The following ANXA1 variants were observed in gnomAD, a reference collection of about 807,000 sequenced individuals.
ANXA1 encodes the protein annexin A1.
ANXA1 carries 39 observed loss-of-function variants against 47.9 expected under a neutral mutation model. The observed-to-expected ratio is 0.81, with a 90% CI of 0.63 to 1.06. ANXA1 has a LOEUF of 1.06. ANXA1 is among the 50% of genes least tolerant of loss of function. The pLI, the probability that ANXA1 is intolerant of heterozygous loss-of-function variation, is 0.00. For synonymous variants in ANXA1, 146 were observed against 142.5 expected (o/e 1.02, Z -0.17); for missense variants, 446 against 422.7 (o/e 1.06, Z -0.48).
At chr9:73,161,119 G>C (rs956019947) in intron 6 of ANXA1, among the ~76,000 whole-genome samples, 1 of 152,054 alleles carries the variant, frequency 6.6e-6, no homozygotes, top group Non-Finnish European at 1.5e-5. Context: ...TCAAGCTTGC[G>C]TTTTAATAGA....
chr9:73,154,361 A>T (rs1227526452), intron 1 of ANXA1: 41 of 1,365,430 alleles, frequency 3.0e-5, no homozygotes, highest in Non-Finnish European at 3.9e-5. Flanking sequence ...TTAAAAGAAC[A>T]CTGATCATGT....
In ANXA1 at chr9:73,159,313, G is replaced by A; in HGVS notation, c.176-16G>A. The A allele has an allele frequency of 6.2e-7, 1 of 1,605,474 alleles. No homozygotes were observed. Among genetic ancestry groups the A allele is most frequent in the Admixed American group, 1.7e-5 (1 of 59,892 alleles). On this transcript the variant is annotated splice_polypyrimidine_tract_variant and intron_variant, in intron 3 of 12. Coordinates refer to ENST00000257497, the MANE Select transcript of ANXA1 (RefSeq NM_000700.3). ...AAGAAAATTGGTGTTAAAGGCTGTT[G>A]GCCCTTTATTTCCAGGTGTGGATGA...
intron 4 of ANXA1, 135 bp downstream of exon 4, chr9:73,159,558 T>C: frequency 1.6e-6 from 1 of 614,812 alleles, no homozygotes; most frequent in East Asian, 3.1e-5. Context: ...GGGATTGCAG[T>C]GTTTATCCAC....
rs1824297026 is a variant in ANXA1, at chr9:73,170,033, C to T, written c.985-18C>T. The T allele has an allele frequency of 1.3e-6, 2 of 1,586,324 alleles. No homozygotes were observed. The highest frequency in any genetic ancestry group is 1.7e-6 in the Non-Finnish European group (2 of 1,165,828). ...TGGTTTCGACTAACATTAAGTATAC[C>T]TTTTTTTGAATCAACAGGATGAAAC... is the stretch of plus-strand genomic sequence containing the variant. On this transcript the variant is annotated intron_variant, in intron 12 of 12. Coordinates refer to ENST00000257497, the MANE Select transcript of ANXA1 (RefSeq NM_000700.3).
At chr9:73,155,338 T>TA (rs944390052) in intron 1 of ANXA1, among the ~76,000 whole-genome samples, 1 of 152,154 alleles carries the variant, frequency 6.6e-6, no homozygotes, top group Non-Finnish European at 1.5e-5. Context: ...ACAGGCTCTT[T>TA]AAAATCTATT....
intron 1 of ANXA1, among the ~76,000 whole-genome samples, chr9:73,155,432 A>T (rs1013396715): frequency 6.6e-6 from 1 of 152,186 alleles, no homozygotes; most frequent in African/African-American, 2.4e-5. Flanking sequence ...TTTCATGCAG[A>T]GTGTAGGTAT....
intron 1 of ANXA1, 68 bp downstream of exon 1, chr9:73,151,992 T>TA (rs1823981022): frequency 6.6e-6 from 1 of 152,236 alleles, no homozygotes; most frequent in African/African-American, 2.4e-5. Flanking sequence ...CTATGTTAAA[T>TA]GTTACTGCTT....
intron 1 of ANXA1, among the ~76,000 whole-genome samples, chr9:73,156,148 T>TATAA (rs995474223): frequency 7.9e-4 from 75 of 95,506 alleles, no homozygotes; most frequent in South Asian, 1.5e-3. Flanking sequence ...TAATAAATAA[T>TATAA]ATAAATAAAT....
chr9:73,160,260 TAGCC>T lies in ANXA1; in HGVS notation c.271-2_272del. On this transcript the variant is annotated splice_acceptor_variant and coding_sequence_variant, in exon 5 of 13. Transcript: ENST00000257497. LOFTEE classifies it high-confidence loss of function. ...GTCCTGATTCTAATCTTTTTTTTTG[TAGCC>T]CCTGGATGAAACACTGAAGAAAGCC... 2 of 1,544,212 alleles carry T rather than the reference TAGCC, an allele frequency of 1.3e-6. No individual in the cohort carries two copies. Among genetic ancestry groups the T allele is most frequent in the South Asian group, 1.2e-5 (1 of 80,424 alleles).
intron 1 of ANXA1, among the ~76,000 whole-genome samples, chr9:73,153,639 T>G (rs1824003968): frequency 6.6e-6 from 1 of 152,234 alleles, no homozygotes; most frequent in African/African-American, 2.4e-5. Flanking sequence ...AGAACCAGTA[T>G]ACTTCAATTT....
At position 73,166,164 on chromosome 9, in the gene ANXA1, T is replaced by G; in HGVS notation, c.774T>G (p.Gly258=). The part of the protein sequence containing the change: ...MNKVLDLELK[G]DIEKCLTAIV... ...AAGTTCTGGACCTGGAGTTGAAAGG[T>G]GACATTGAGAAATGCCTCACAGCTA... Residue 258 remains glycine (G), a synonymous_variant, in exon 10 of 13, where the codon GGT becomes GGG. Coordinates refer to ENST00000257497, the MANE Select transcript of ANXA1 (RefSeq NM_000700.3). 6.2e-7 allele frequency: 1 copy of G among 1,612,384 alleles called. No homozygotes were observed. Among genetic ancestry groups the G allele is most frequent in the Non-Finnish European group, 8.5e-7 (1 of 1,179,032 alleles).
chr9:73,152,469 AT>A (rs1162040087), intron 1 of ANXA1, among the ~76,000 whole-genome samples: 2 of 152,200 alleles, frequency 1.3e-5, no homozygotes, highest in African/African-American at 4.8e-5. Flanking sequence ...TGTAATAAAC[AT>A]TTAAAAATAT....
intron 6 of ANXA1, among the ~76,000 whole-genome samples, chr9:73,162,213 G>A (rs1454368414): frequency 6.6e-6 from 1 of 152,150 alleles, no homozygotes; most frequent in East Asian, 1.9e-4. Flanking sequence ...ATTGCAACAT[G>A]AGACTTGGCA....
At chr9:73,155,007 AT>A in intron 1 of ANXA1, among the ~76,000 whole-genome samples, 1 of 152,302 alleles carries the variant, frequency 6.6e-6, no homozygotes, top group Non-Finnish European at 1.5e-5. Context: ...GTAGCCTTTC[AT>A]GAGGCTGAGA....
At chr9:73,161,419 TA>T (rs1293843280) in intron 6 of ANXA1, among the ~76,000 whole-genome samples, 1 of 152,162 alleles carries the variant, frequency 6.6e-6, no homozygotes, top group Non-Finnish European at 1.5e-5. Context: ...TATCTCTAGT[TA>T]AATTCACAGA....
chr9:73,167,858 T>A, intron 11 of ANXA1: 1 of 275,134 alleles, frequency 3.6e-6, no homozygotes, highest in Non-Finnish European at 6.8e-6. Flanking sequence ...AACGTGTAAT[T>A]TTAGTGGCCT....
chr9:73,170,033 C>CT lies in ANXA1; in HGVS notation c.985-11dup. ...TGGTTTCGACTAACATTAAGTATAC[C>CT]TTTTTTTGAATCAACAGGATGAAAC... On this transcript the variant is annotated splice_polypyrimidine_tract_variant and intron_variant, in intron 12 of 12. Coordinates refer to ENST00000257497, the MANE Select transcript of ANXA1 (RefSeq NM_000700.3). 11 of 1,586,292 alleles carry CT rather than the reference C, an allele frequency of 6.9e-6. No individual in the cohort carries two copies. Among genetic ancestry groups the CT allele is most frequent in the South Asian group, 4.6e-5 (4 of 86,592 alleles).
intron 11 of ANXA1, chr9:73,168,717 G>A (rs1446671534): frequency 5.8e-6 from 1 of 173,572 alleles, no homozygotes; most frequent in Non-Finnish European, 1.2e-5. Context: ...TAAATAGATA[G>A]ACTAGTTTAT....
intron 1 of ANXA1, among the ~76,000 whole-genome samples, chr9:73,152,607 C>T (rs1455257585): frequency 6.6e-6 from 1 of 152,078 alleles, no homozygotes; most frequent in African/African-American, 2.4e-5. Flanking sequence ...CAAGTGCTGG[C>T]TGGAAAACCT....
Sources: gnomAD v4.1 joint callset for allele counts (sites outside exome capture counted in the v4.1 genomes callset) on GRCh38, gnomAD v4.1.1 for gene constraint, MANE v1.5 for transcripts, NCBI Gene and HGNC (gene_info 2026-07-23, HGNC 2026-07-21) for gene names.